ACSL1: variants seen among roughly 807,000 people sequenced by gnomAD.
The protein encoded by ACSL1 is acyl-CoA synthetase long chain family member 1.
ACSL1 carries 41 observed loss-of-function variants against 98.4 expected under a neutral mutation model. The ratio of observed to expected loss-of-function variants is 0.42; its 90% CI spans 0.32 to 0.54. The LOEUF is 0.54. Among genes scored for constraint, ACSL1 ranks in the 20% least tolerant of loss-of-function variants. The pLI, the probability that ACSL1 is intolerant of heterozygous loss-of-function variation, is 0.13. For missense variants in ACSL1, 734 were observed against 883.1 expected, an observed-to-expected ratio of 0.83 and a Z score of 2.14; for synonymous variants, 316 against 322.7, an observed-to-expected ratio of 0.98 and a Z score of 0.22.
At chr4:184,783,271 C>T (rs1396169277) in intron 4 of ACSL1, among the ~76,000 whole-genome samples, 29 of 152,218 alleles carry the variant, frequency 1.9e-4, no homozygotes, top group Admixed American at 1.8e-3. Context: ...TGGGTGGGGA[C>T]TAGAGACCGA....
intron 10 of ACSL1, among the ~76,000 whole-genome samples, chr4:184,772,064 GT>G (rs1473244273): frequency 6.6e-6 from 1 of 152,166 alleles, no homozygotes; most frequent in Non-Finnish European, 1.5e-5. Context: ...TACTGATATT[GT>G]AATTGATTTG....
intron 1 of ACSL1, among the ~76,000 whole-genome samples, chr4:184,810,779 G>A (rs890955696): frequency 1.3e-5 from 2 of 152,178 alleles, no homozygotes; most frequent in Non-Finnish European, 1.5e-5. Context: ...AATGGGCTTA[G>A]TTATGAGTTT....
chr4:184,821,196 T>C, intron 1 of ACSL1: 1 of 443,776 alleles, frequency 2.3e-6, no homozygotes, highest in Non-Finnish European at 4.6e-6. Flanking sequence ...ACCACCTCGG[T>C]CAGCTACCAC....
intron 2 of ACSL1, among the ~76,000 whole-genome samples, chr4:184,790,415 T>C (rs1398700104): frequency 6.6e-6 from 1 of 152,250 alleles, no homozygotes; most frequent in Non-Finnish European, 1.5e-5. Context: ...ATATCTACTG[T>C]GTGCTACATG....
intron 1 of ACSL1, among the ~76,000 whole-genome samples, chr4:184,817,519 G>A (rs929132825): frequency 6.6e-6 from 1 of 152,106 alleles, no homozygotes; most frequent in Non-Finnish European, 1.5e-5. Flanking sequence ...TCCATCTCCT[G>A]AGCAGCCCTG....
chr4:184,791,661 C>A (rs1449411759), intron 2 of ACSL1, among the ~76,000 whole-genome samples: 1 of 152,018 alleles, frequency 6.6e-6, no homozygotes, highest in Non-Finnish European at 1.5e-5. Context: ...CTACAAGAAG[C>A]GTAAGCAGTG....
At chr4:184,787,396 G>A (rs78898099) in intron 3 of ACSL1, among the ~76,000 whole-genome samples, 175 of 152,282 alleles carry the variant, frequency 1.1e-3, no homozygotes, top group African/African-American at 4.0e-3. Context: ...TTATGCAGAA[G>A]GAATATAACA....
At chr4:184,824,475 T>A (rs1773306286) in intron 1 of ACSL1, among the ~76,000 whole-genome samples, 1 of 152,182 alleles carries the variant, frequency 6.6e-6, no homozygotes. Flanking sequence ...AAAACAGAAG[T>A]CTTTAATATG....
chr4:184,814,290 C>CAAAAA lies in ACSL1; in HGVS notation c.-32-10749_-32-10745dup, dbSNP rs61541962. On this transcript the variant is annotated intron_variant, in intron 1 of 20. Transcript: ENST00000281455. ...TGGGCGACAGAGCGAGACTCCGCCT[C>CAAAAA]AAAAAAAAAAAAAAAAAAAAAAAGG... Among the ~76,000 whole-genome samples, 8 of 64,526 alleles carry CAAAAA rather than the reference C, an allele frequency of 1.2e-4. 1 individual carries two copies. The highest frequency in any genetic ancestry group is 1.8e-4 in the African/African-American group (3 of 16,510). 42.3% of individuals were successfully genotyped at this position (64,526 alleles called of 152,430 possible). A position where few individuals can be genotyped will look rare whatever the true frequency, so the allele number is the denominator to read the frequency against.
rs903150387 is a variant in ACSL1, at chr4:184,812,234, A to G, written c.-32-8688T>C. ...AGGGTCTCCTCCCATCTGTCTTTAT[A>G]TGCCCTTGGTTCTTAACACAGTCCC... On this transcript the variant is annotated intron_variant, in intron 1 of 20. Coordinates refer to ENST00000281455, the MANE Select transcript of ACSL1 (RefSeq NM_001995.5). 1.3e-5 allele frequency: 13 copies of G among 985,192 alleles called. No individual in the cohort carries two copies. The African/African-American group carries it at 2.1e-4, about 16-fold the overall frequency. 61.0% of individuals were successfully genotyped at this position (985,192 alleles called of 1,614,324 possible).
chr4:184,826,588 G>C (rs2150515082), upstream of ACSL1: 1 of 152,574 alleles, frequency 6.6e-6, no homozygotes, highest in East Asian at 1.9e-4. Context: ...CCGGTGCAGG[G>C]GAGCTGAGGG....
chr4:184,815,066 A>G (rs764308084), intron 1 of ACSL1: 1 of 456,300 alleles, frequency 2.2e-6, no homozygotes, highest in South Asian at 1.5e-5. Context: ...GAGTTAACAG[A>G]GCTACAGAAG....
intron 4 of ACSL1, among the ~76,000 whole-genome samples, chr4:184,782,234 A>C (rs1016201741): frequency 3.4e-5 from 5 of 146,960 alleles, no homozygotes; most frequent in African/African-American, 1.3e-4. Context: ...ATACACGCAC[A>C]TTTATATTTC....
At chr4:184,792,962 T>C (rs1037686880) in intron 2 of ACSL1, among the ~76,000 whole-genome samples, 5 of 152,180 alleles carry the variant, frequency 3.3e-5, no homozygotes, top group African/African-American at 1.2e-4. Context: ...TAGGGACGCC[T>C]ATTTAAATGA....
intron 2 of ACSL1, among the ~76,000 whole-genome samples, chr4:184,796,115 A>G (rs1196548941): frequency 1.3e-5 from 2 of 152,214 alleles, no homozygotes; most frequent in Non-Finnish European, 2.9e-5. Context: ...ATCAGCTGCC[A>G]GCATGGCCAA....
intron 1 of ACSL1, among the ~76,000 whole-genome samples, chr4:184,819,909 A>G (rs1772927111): frequency 6.6e-6 from 1 of 152,160 alleles, no homozygotes; most frequent in Non-Finnish European, 1.5e-5. Flanking sequence ...AATACTGAGA[A>G]GGCAAGGAGG....
In ACSL1 at chr4:184,778,382, G is replaced by A. The variant is rs553397590; in HGVS notation, c.478-1399C>T. On this transcript the variant is annotated intron_variant, in intron 5 of 20. Transcript: ENST00000281455. ...TTTCAGCCAACAACATAGAAATCAG[G>A]TCCCAGCTCCTTAGGCACATGTGAC... 2.0e-5 allele frequency among the ~76,000 whole-genome samples: 3 copies of A among 152,170 alleles called. No homozygotes were observed. The South Asian group carries it at 6.2e-4, about 32-fold the overall frequency.
chr4:184,763,915 G>A (rs535226804), intron 15 of ACSL1, among the ~76,000 whole-genome samples: 2 of 152,258 alleles, frequency 1.3e-5, no homozygotes, highest in African/African-American at 4.8e-5. Flanking sequence ...AGCTTCTAGA[G>A]ATCAGTATTC....
At chr4:184,807,200 T>G (rs751249858) in intron 1 of ACSL1, among the ~76,000 whole-genome samples, 9 of 152,220 alleles carry the variant, frequency 5.9e-5, no homozygotes, top group Non-Finnish European at 1.3e-4. Flanking sequence ...TCAGACAGAT[T>G]GTATTCTTAT....
Sources: gnomAD v4.1 joint callset for allele counts (sites outside exome capture counted in the v4.1 genomes callset) on GRCh38, gnomAD v4.1.1 for gene constraint, MANE v1.5 for transcripts, NCBI Gene and HGNC (gene_info 2026-07-23, HGNC 2026-07-21) for gene names.